Variants in CEP63 observed in about 807,000 individuals in gnomAD.
The protein encoded by CEP63 is centrosomal protein 63, also known as centrosomal protein of 63 kDa.
CEP63 carries 84 observed loss-of-function variants against 89.1 expected under a neutral mutation model. That is an observed-to-expected ratio of 0.94 (90% CI 0.79 to 1.13). CEP63 has a LOEUF of 1.13. Ranked by LOEUF, CEP63 falls within the 50% of genes most tolerant of loss-of-function variation. The probability of loss-of-function intolerance (pLI) is 0.00; values close to 1 mark genes in which losing one functional copy is unlikely to be tolerated. For synonymous variants in CEP63, 267 were observed against 272.5 expected, an observed-to-expected ratio of 0.98 and a Z score of 0.20; for missense variants, 838 against 813.3, an observed-to-expected ratio of 1.03 and a Z score of -0.37.
At chr3:134,503,482 C>A (rs887941853) in intron 2 of CEP63, among the ~76,000 whole-genome samples, 2 of 152,088 alleles carry the variant, frequency 1.3e-5, no homozygotes, top group East Asian at 3.8e-4. Flanking sequence ...GTGTATTCTG[C>A]AGCTGTTACA....
chr3:134,610,758 G>A, the CEP63 span: 60,255 of 176,738 alleles, frequency 0.34, 10,691 homozygotes, highest in Non-Finnish European at 0.37. Flanking sequence ...CAAGAAAATA[G>A]GAGCAGGGGA....
At chr3:134,734,692 T>C in the CEP63 span, among the ~76,000 whole-genome samples, 1 of 152,288 alleles carries the variant, frequency 6.6e-6, no homozygotes, top group East Asian at 1.9e-4. Context: ...TGTCTGATAA[T>C]CATTGAAGTT....
the CEP63 span, among the ~76,000 whole-genome samples, chr3:134,692,287 G>A: frequency 6.6e-6 from 1 of 151,680 alleles, no homozygotes; most frequent in Non-Finnish European, 1.5e-5. Context: ...AGGCCCTGGT[G>A]TGTGATGTTC....
At chr3:134,519,959 A>G (rs1309487513) in intron 3 of CEP63, among the ~76,000 whole-genome samples, 2 of 152,230 alleles carry the variant, frequency 1.3e-5, no homozygotes, top group African/African-American at 4.8e-5. Flanking sequence ...GTATATAAGA[A>G]ACATAGCAAG....
the CEP63 span, among the ~76,000 whole-genome samples, chr3:134,734,245 T>C: frequency 6.6e-6 from 1 of 152,204 alleles, no homozygotes; most frequent in East Asian, 1.9e-4. Context: ...AGCAGGTGAA[T>C]GGTTAAACAT....
intron 5 of CEP63, chr3:134,536,311 G>A (rs544807396): frequency 2.2e-4 from 33 of 152,374 alleles, no homozygotes; most frequent in Non-Finnish European, 4.3e-4. Flanking sequence ...GCAGTACCTG[G>A]CATATATAGT....
At chr3:134,566,634 T>C (rs1957769975), downstream of CEP63, among the ~76,000 whole-genome samples, 1 of 152,150 alleles carries the variant, frequency 6.6e-6, no homozygotes. Context: ...AAGATTGGAA[T>C]AGACATTTCT....
the CEP63 span, among the ~76,000 whole-genome samples, chr3:134,756,032 A>G: frequency 0.16 from 24,576 of 152,198 alleles, 2,403 homozygotes; most frequent in South Asian, 0.45. Context: ...GAGGGGCTGG[A>G]GGCAGGTTGT....
Position 134,565,021 on chromosome 3 carries a change from T to A in CEP63, c.*3486T>A, listed in dbSNP as rs1001617885. On this transcript the variant is annotated 3_prime_UTR_variant, in exon 15 of 15. Coordinates refer to ENST00000675561, the MANE Select transcript of CEP63 (RefSeq NM_001353108.3). ...TATTAATACCAAATATTAAAATGTGTCAAGACTAAATCTGAGTTAGTGTCT... is the reference window on the plus strand; with the variant it reads ...TATTAATACCAAATATTAAAATGTGACAAGACTAAATCTGAGTTAGTGTCT... The A allele has an allele frequency of 2.1e-6, 2 of 945,052 alleles. No individual in the cohort carries two copies. Among genetic ancestry groups the A allele is most frequent in the Admixed American group, 1.2e-4 (2 of 16,204 alleles). The allele number at this position is 945,052 out of a possible 1,614,324, so 58.5% of individuals were successfully genotyped here. A position where few individuals can be genotyped will look rare whatever the true frequency, so the allele number is the denominator to read the frequency against.
chr3:134,765,049 A>G, the CEP63 span, among the ~76,000 whole-genome samples: 1 of 152,202 alleles, frequency 6.6e-6, no homozygotes, highest in South Asian at 2.1e-4. Context: ...AAAACCTGAT[A>G]GCTAGGCCCC....
At chr3:134,731,251 T>C in the CEP63 span, among the ~76,000 whole-genome samples, 1 of 152,158 alleles carries the variant, frequency 6.6e-6, no homozygotes, top group South Asian at 2.1e-4. Flanking sequence ...AATAGTATGA[T>C]AAACTTGATT....
chr3:134,519,670 T>C (rs1348884690), intron 3 of CEP63, among the ~76,000 whole-genome samples: 1 of 152,234 alleles, frequency 6.6e-6, no homozygotes, highest in East Asian at 1.9e-4. Context: ...GCCAGTCTTA[T>C]GTGAATGTTA....
At chr3:134,678,337 C>T in the CEP63 span, among the ~76,000 whole-genome samples, 1 of 152,188 alleles carries the variant, frequency 6.6e-6, no homozygotes, top group South Asian at 2.1e-4. Flanking sequence ...TCTGTACCCC[C>T]ACCCAGGCCA....
At chr3:134,709,198 T>C in the CEP63 span, among the ~76,000 whole-genome samples, 1 of 152,174 alleles carries the variant, frequency 6.6e-6, no homozygotes, top group African/African-American at 2.4e-5. Flanking sequence ...GAACATTTCC[T>C]CCCTCTAGGC....
chr3:134,697,690 G>A, the CEP63 span, among the ~76,000 whole-genome samples: 6 of 152,160 alleles, frequency 3.9e-5, no homozygotes, highest in African/African-American at 1.4e-4. Context: ...GCTTATGGGC[G>A]GCAGATTTGC....
At chr3:134,625,876 G>C in the CEP63 span, among the ~76,000 whole-genome samples, 111 of 152,390 alleles carry the variant, frequency 7.3e-4, no homozygotes, top group African/African-American at 2.6e-3. Context: ...CTCTGAGACA[G>C]AGATACAGGA....
intron 4 of CEP63, among the ~76,000 whole-genome samples, chr3:134,532,502 G>T (rs1384614443): frequency 6.6e-6 from 1 of 152,182 alleles, no homozygotes; most frequent in Non-Finnish European, 1.5e-5. Flanking sequence ...CTGCTTTATT[G>T]TGGGGCTGGG....
the CEP63 span, among the ~76,000 whole-genome samples, chr3:134,741,370 A>G: frequency 1.3e-5 from 2 of 152,150 alleles, no homozygotes; most frequent in African/African-American, 4.8e-5. Context: ...ATTCCCTCCT[A>G]GCTTCAGTCA....
the CEP63 span, among the ~76,000 whole-genome samples, chr3:134,708,306 A>G: frequency 6.6e-6 from 1 of 152,254 alleles, no homozygotes; most frequent in Non-Finnish European, 1.5e-5. Flanking sequence ...ATTTTCAACA[A>G]CAATAATGCT....
Sources: allele counts gnomAD v4.1 joint callset (sites outside exome capture counted in the v4.1 genomes callset), GRCh38; gene constraint gnomAD v4.1.1; transcripts MANE v1.5; gene names NCBI Gene and HGNC (gene_info 2026-07-23, HGNC 2026-07-21).